The following SGPP1 variants were observed in gnomAD, a reference collection of about 807,000 sequenced individuals.
SGPP1 encodes hSPP1.
SGPP1 carries 21 observed loss-of-function variants against 33.0 expected under a neutral mutation model. The ratio of observed to expected loss-of-function variants is 0.64; its 90% CI spans 0.45 to 0.92. SGPP1 has a LOEUF of 0.92. Ranked by LOEUF, SGPP1 falls within the 40% of genes least tolerant of loss-of-function variation. SGPP1 has a pLI of 0.00. For synonymous variants in SGPP1, 239 were observed against 241.2 expected (o/e 0.99, Z 0.08); for missense variants, 543 against 589.4 (o/e 0.92, Z 0.81).
At chr14:63,720,931 CAG>C (rs1211763953) in intron 1 of SGPP1, among the ~76,000 whole-genome samples, 2 of 152,082 alleles carry the variant, frequency 1.3e-5, no homozygotes, top group Middle Eastern at 3.2e-3. Flanking sequence ...TTTTTTGAGA[CAG>C]AGTCTTGTTC....
chr14:63,685,748 TAAAAA>T lies in SGPP1; in HGVS notation c.*352_*356del, dbSNP rs1210583389. 2 of 149,812 alleles carry T rather than the reference TAAAAA, an allele frequency of 1.3e-5. No homozygotes were observed. Among genetic ancestry groups the T allele is most frequent in the African/African-American group, 4.9e-5 (2 of 41,022 alleles). 9.3% of individuals were successfully genotyped at this position (149,812 alleles called of 1,614,324 possible). ...GATTTTATAATACACTCCCATAGTT[TAAAAA>T]AACACTTAGGTATATTATTTTATAT... On this transcript the variant is annotated 3_prime_UTR_variant, in exon 3 of 3. Transcript: ENST00000247225.
At chr14:63,723,611 G>T (rs891657722) in intron 1 of SGPP1, among the ~76,000 whole-genome samples, 18 of 151,762 alleles carry the variant, frequency 1.2e-4, no homozygotes, top group Non-Finnish European at 2.6e-4. Flanking sequence ...CCCAGCTACT[G>T]AGGAGGCTGA....
At chr14:63,715,779 C>T (rs968973567) in intron 1 of SGPP1, among the ~76,000 whole-genome samples, 1 of 152,104 alleles carries the variant, frequency 6.6e-6, no homozygotes, top group African/African-American at 2.4e-5. Flanking sequence ...TGGCTGAGTA[C>T]TAATCTGTGC....
chr14:63,706,296 C>G (rs370783084), intron 1 of SGPP1, among the ~76,000 whole-genome samples: 1 of 152,142 alleles, frequency 6.6e-6, no homozygotes. Context: ...GAGCCAAATG[C>G]TTAATGGGAA....
chr14:63,688,507 T>C (rs1251334650), intron 2 of SGPP1, among the ~76,000 whole-genome samples: 1 of 151,988 alleles, frequency 6.6e-6, no homozygotes, highest in Non-Finnish European at 1.5e-5. Flanking sequence ...AATAACTTTC[T>C]GAATCATTCC....
chr14:63,712,633 C>G (rs936389059), intron 1 of SGPP1, among the ~76,000 whole-genome samples: 1 of 152,122 alleles, frequency 6.6e-6, no homozygotes, highest in Admixed American at 6.6e-5. Flanking sequence ...CGTATGAAAA[C>G]AGAACATTTT....
chr14:63,718,021 A>C (rs1187043469), intron 1 of SGPP1, among the ~76,000 whole-genome samples: 3 of 152,080 alleles, frequency 2.0e-5, no homozygotes, highest in Non-Finnish European at 4.4e-5. Flanking sequence ...TGAGGCAGGC[A>C]GATTACTTGA....
intron 2 of SGPP1, among the ~76,000 whole-genome samples, chr14:63,690,935 G>A (rs530119911): frequency 3.9e-5 from 6 of 151,926 alleles, no homozygotes; most frequent in East Asian, 1.9e-4. Flanking sequence ...GGCTGGTCTC[G>A]AACTCCTGAC....
chr14:63,724,067 A>G (rs1885828432), intron 1 of SGPP1, among the ~76,000 whole-genome samples: 1 of 151,730 alleles, frequency 6.6e-6, no homozygotes, highest in Admixed American at 6.6e-5. Flanking sequence ...TTTTGCAGAG[A>G]CAGGGTCTCG....
At chr14:63,725,932 A>G (rs2139658290) in intron 1 of SGPP1, among the ~76,000 whole-genome samples, 1 of 152,344 alleles carries the variant, frequency 6.6e-6, no homozygotes, top group East Asian at 1.9e-4. Context: ...AAATATTTAG[A>G]TTAAATGAAA....
In SGPP1 at chr14:63,684,808, C is replaced by T. The variant is rs1884937259; in HGVS notation, c.*1297G>A. ...AAAAAGAATAGTTTAATACTATACG[C>T]AAATTTTCCACTGTGAAAATAATAG... is the stretch of plus-strand genomic sequence containing the variant. On this transcript the variant is annotated 3_prime_UTR_variant, in exon 3 of 3. Transcript: ENST00000247225. The T allele has an allele frequency of 6.6e-6, 1 of 152,234 alleles. No homozygotes were observed. Among genetic ancestry groups the T allele is most frequent in the African/African-American group, 2.4e-5 (1 of 41,374 alleles). The allele number at this position is 152,234 out of a possible 1,614,324, so 9.4% of individuals were successfully genotyped here. A position where few individuals can be genotyped will look rare whatever the true frequency, so the allele number is the denominator to read the frequency against.
intron 1 of SGPP1, among the ~76,000 whole-genome samples, chr14:63,714,499 C>T (rs1885581402): frequency 6.6e-6 from 1 of 152,184 alleles, no homozygotes; most frequent in African/African-American, 2.4e-5. Context: ...TAGTTCGCTG[C>T]AGCCTCCAAC....
intron 1 of SGPP1, among the ~76,000 whole-genome samples, chr14:63,708,527 G>C (rs1230241581): frequency 6.6e-6 from 1 of 151,668 alleles, no homozygotes; most frequent in Non-Finnish European, 1.5e-5. Context: ...GCCTCTCAAA[G>C]TGCTGGGATT....
At chr14:63,708,251 C>CTTTTTTTT (rs36105615) in intron 1 of SGPP1, among the ~76,000 whole-genome samples, 5 of 97,906 alleles carry the variant, frequency 5.1e-5, no homozygotes, top group Admixed American at 1.0e-4. Context: ...AGCAGCAATC[C>CTTTTTTTT]TTTTTTTTTT....
At chr14:63,705,334 C>A (rs1316655690) in intron 1 of SGPP1, among the ~76,000 whole-genome samples, 1 of 149,616 alleles carries the variant, frequency 6.7e-6, no homozygotes, top group Non-Finnish European at 1.5e-5. Flanking sequence ...CCTGAATAGA[C>A]ATTTCTCCAA....
At position 63,727,842 on chromosome 14, in the gene SGPP1, G is replaced by T; in HGVS notation, c.103C>A (p.Arg35Ser). ...TCATCCTCCCTCCGGTCTGCTGAGC[G>T]GCGCGGCGGCGCTTCCACCCCGCAC... ...RLCGVEAPPR[R>S]SADRREDEKA... The change falls in exon 1 of 3, where the codon CGC (arginine) becomes AGC (serine). Residue 35 changes from arginine to serine, a missense_variant. Arg to Ser is a moderately radical substitution (Grantham distance 110). Coordinates refer to ENST00000247225, the MANE Select transcript of SGPP1 (RefSeq NM_030791.4). 2.0e-6 allele frequency: 3 copies of T among 1,513,168 alleles called. No homozygotes were observed. Among genetic ancestry groups the T allele is most frequent in the Non-Finnish European group, 2.6e-6 (3 of 1,136,928 alleles). The allele number at this position is 1,513,168 out of a possible 1,614,324, so 93.7% of individuals were successfully genotyped here. A position where few individuals can be genotyped will look rare whatever the true frequency, so the allele number is the denominator to read the frequency against.
In SGPP1 at chr14:63,719,889, C is replaced by T. The variant is rs111260409; in HGVS notation, c.684+7372G>A. 1.5e-3 allele frequency among the ~76,000 whole-genome samples: 206 copies of T among 141,434 alleles called. 2 individuals are homozygous for T. The highest frequency in any genetic ancestry group is 4.8e-3 in the Admixed American group (68 of 14,240). The allele number at this position is 141,434 out of a possible 152,430, so 92.8% of individuals were successfully genotyped here. A position where few individuals can be genotyped will look rare whatever the true frequency, so the allele number is the denominator to read the frequency against. ...CAGAACTTTGGGAGGCAGAGGCGGG[C>T]GGATCACCAAAGGTCAAGAATTCGA... On this transcript the variant is annotated intron_variant, in intron 1 of 2. Coordinates refer to ENST00000247225, the MANE Select transcript of SGPP1 (RefSeq NM_030791.4).
chr14:63,692,712 A>C (rs1885112537), intron 2 of SGPP1, among the ~76,000 whole-genome samples: 1 of 152,082 alleles, frequency 6.6e-6, no homozygotes, highest in Non-Finnish European at 1.5e-5. Flanking sequence ...TCAGCTTCCC[A>C]AAGTGTTGGA....
chr14:63,713,837 A>T (rs1475708598), intron 1 of SGPP1, among the ~76,000 whole-genome samples: 1 of 152,214 alleles, frequency 6.6e-6, no homozygotes, highest in Non-Finnish European at 1.5e-5. Flanking sequence ...AAATACCTAG[A>T]AATCTGGTAA....
Sources: gnomAD v4.1 joint callset for allele counts (sites outside exome capture counted in the v4.1 genomes callset) on GRCh38, gnomAD v4.1.1 for gene constraint, MANE v1.5 for transcripts, NCBI Gene and HGNC (gene_info 2026-07-23, HGNC 2026-07-21) for gene names.